IL1RL1: variants seen among roughly 807,000 people sequenced by gnomAD.
IL1RL1 encodes interleukin-1 receptor-like 1.
IL1RL1 carries 32 observed loss-of-function variants against 50.9 expected under a neutral mutation model. That is an observed-to-expected ratio of 0.63 (90% CI 0.47 to 0.84). IL1RL1 has a LOEUF of 0.84. IL1RL1 is among the 40% of genes least tolerant of loss of function. The pLI, the probability that IL1RL1 is intolerant of heterozygous loss-of-function variation, is 0.00. For missense variants in IL1RL1, 773 were observed against 662.9 expected, an observed-to-expected ratio of 1.17 and a Z score of -1.82; for synonymous variants, 275 against 236.0, an observed-to-expected ratio of 1.17 and a Z score of -1.51.
intron 1 of IL1RL1, among the ~76,000 whole-genome samples, chr2:102,317,687 C>G (rs1057500833): frequency 1.3e-5 from 2 of 152,016 alleles, no homozygotes; most frequent in Admixed American, 6.5e-5. Context: ...AGTAAACACA[C>G]ATTTGGAGAG....
chr2:102,316,315 AT>A (rs1573126832), intron 1 of IL1RL1, among the ~76,000 whole-genome samples: 1 of 152,196 alleles, frequency 6.6e-6, no homozygotes, highest in South Asian at 2.1e-4. Context: ...CATAAACCAC[AT>A]TCTGAATTCC....
intron 8 of IL1RL1, 139 bp downstream of exon 8, chr2:102,343,554 T>A: frequency 6.4e-7 from 1 of 1,556,182 alleles, no homozygotes. Context: ...TTCGGGATGT[T>A]GTTTGCTGTC....
Position 102,339,014 on chromosome 2 carries a change from C to T in IL1RL1, c.239C>T (p.Ala80Val), listed in dbSNP as rs34210856. The change falls in exon 3 of 11, where the codon GCT (alanine) becomes GTT (valine). Residue 80 changes from alanine to valine, a missense_variant. Physicochemically the swap from Ala to Val is moderately conservative, Grantham distance 64 (BLOSUM62 0). Transcript: ENST00000233954. Reference sequence around the variant, plus strand: ...CTGAAGTTTCTACCAGCTGCAGTTGCTGATTCTGGTATTTATACCTGTATT... The same window carrying T: ...CTGAAGTTTCTACCAGCTGCAGTTGTTGATTCTGGTATTTATACCTGTATT... ...QLLKFLPAAV[A>V]DSGIYTCIVR... 2.5e-3 allele frequency: 4,101 copies of T among 1,613,668 alleles called. 23 individuals are homozygous for T. The East Asian group carries it at 0.028, about 11-fold the overall frequency.
At chr2:102,345,403 G>T (rs964685601) in intron 8 of IL1RL1, 2 of 985,124 alleles carry the variant, frequency 2.0e-6, no homozygotes, top group Non-Finnish European at 1.2e-6. Context: ...AGGAAAGAGA[G>T]AAATATATTT....
At chr2:102,348,760 C>A (rs1677849532) in intron 9 of IL1RL1, among the ~76,000 whole-genome samples, 1 of 152,088 alleles carries the variant, frequency 6.6e-6, no homozygotes, top group Admixed American at 6.5e-5. Flanking sequence ...AAAGATGAAA[C>A]CAAAGTCTAT....
rs1369118238 is a variant in IL1RL1 at position 102,349,180 on chromosome 2, G to C, written c.1219G>C (p.Asp407His). The C allele has an allele frequency of 5.0e-6, 8 of 1,613,624 alleles. No individual in the cohort carries two copies. The highest frequency in any genetic ancestry group is 6.8e-6 in the Non-Finnish European group (8 of 1,179,728). The change falls in exon 10 of 11, where the codon GAT becomes CAT. Residue 407 changes from aspartate (D) to histidine (H), a missense_variant. Physicochemically the swap from Asp to His is moderately conservative, Grantham distance 81 (BLOSUM62 -1). Transcript: ENST00000233954. ...VEHFVHQILPDVLENKCGYTL... is the reference protein window; with the variant it reads ...VEHFVHQILPHVLENKCGYTL... ...GCACTTTGTTCACCAGATTCTGCCT[G>C]ATGTTCTTGAAAATAAATGTGGCTA...
At chr2:102,341,752 G>A (rs1434247518) in intron 5 of IL1RL1, among the ~76,000 whole-genome samples, 1 of 152,158 alleles carries the variant, frequency 6.6e-6, no homozygotes, top group Non-Finnish European at 1.5e-5. Context: ...CAGCCTTAGT[G>A]GTCACAGGAG....
intron 8 of IL1RL1, chr2:102,345,816 G>A: frequency 2.0e-6 from 2 of 985,440 alleles, no homozygotes; most frequent in Non-Finnish European, 2.4e-6. Flanking sequence ...CCCCATCAAG[G>A]TGCTATGTGA....
At chr2:102,317,475 A>G (rs552345130) in intron 1 of IL1RL1, among the ~76,000 whole-genome samples, 2 of 152,286 alleles carry the variant, frequency 1.3e-5, no homozygotes, top group East Asian at 3.9e-4. Flanking sequence ...CTCCTTTAAT[A>G]CAACAAACCT....
chr2:102,351,846 G>A lies in IL1RL1; in HGVS notation c.1596G>A (p.Arg532=), dbSNP rs1164538757. 6.2e-7 allele frequency: 1 copy of A among 1,613,974 alleles called. No homozygotes were observed. Among genetic ancestry groups the A allele is most frequent in the East Asian group, 2.2e-5 (1 of 44,874 alleles). Residue 532 remains arginine, a synonymous_variant, in exon 11 of 11, where the codon AGG becomes AGA. Transcript: ENST00000233954. Reference sequence around the variant, plus strand: ...ATTCTAAATTCTGGAAGCACGTGAGGTACCAAATGCCTGTGCCAAGCAAAA... The same window carrying A: ...ATTCTAAATTCTGGAAGCACGTGAGATACCAAATGCCTGTGCCAAGCAAAA... ...SLNSKFWKHV[R]YQMPVPSKIP... is the part of the protein sequence containing the mutation.
intron 1 of IL1RL1, among the ~76,000 whole-genome samples, chr2:102,323,243 G>C (rs1676886068): frequency 8.9e-6 from 1 of 112,548 alleles, no homozygotes. Flanking sequence ...CTTTTTGTTA[G>C]GTTTTATATA....
At position 102,340,195 on chromosome 2, in the gene IL1RL1, G is replaced by A; in HGVS notation, c.370G>A (p.Gly124Arg). The A allele has an allele frequency of 6.2e-7, 1 of 1,604,344 alleles. No homozygotes were observed. Among genetic ancestry groups the A allele is most frequent in the South Asian group, 1.1e-5 (1 of 89,172 alleles). ...PDYLMYSTVSGSEKNSKIYCP... is the reference protein window; with the variant it reads ...PDYLMYSTVSRSEKNSKIYCP... ...TTATTTGATGTATTCAACAGTATCTGGATCAGAAAAAAATTCCAAAATTTA... is the reference window on the plus strand; with the variant it reads ...TTATTTGATGTATTCAACAGTATCTAGATCAGAAAAAAATTCCAAAATTTA... The change falls in exon 4 of 11, where the codon GGA becomes AGA. Residue 124 changes from glycine (G) to arginine (R), a missense_variant. Transcript: ENST00000233954.
rs1676473439 is a variant in IL1RL1 at position 102,311,639 on chromosome 2, G to A, written c.-150+16G>A. On this transcript the variant is annotated intron_variant, in intron 1 of 10. Coordinates refer to ENST00000233954, the MANE Select transcript of IL1RL1 (RefSeq NM_016232.5). The stretch of plus-strand genomic sequence containing the variant: ...CCCAATGAGGGTAAGTGGCTTTGGG[G>A]TATTTTTCAAAAATACTTTTATCTC... 1.4e-5 allele frequency: 2 copies of A among 148,050 alleles called. No individual in the cohort carries two copies. The highest frequency in any genetic ancestry group is 2.5e-5 in the African/African-American group (1 of 39,930). The allele number at this position is 148,050 out of a possible 1,614,324, so 9.2% of individuals were successfully genotyped here. A position where few individuals can be genotyped will look rare whatever the true frequency, so the allele number is the denominator to read the frequency against.
At chr2:102,314,145 T>TAGC (rs34646353) in intron 1 of IL1RL1, among the ~76,000 whole-genome samples, 72,079 of 151,462 alleles carry the variant, frequency 0.48, 17,408 homozygotes, top group Middle Eastern at 0.63. Context: ...TGGAATAACA[T>TAGC]AGCAGCAGCA....
At chr2:102,336,665 A>G (rs961087135) in intron 1 of IL1RL1, among the ~76,000 whole-genome samples, 1 of 149,866 alleles carries the variant, frequency 6.7e-6, no homozygotes, top group African/African-American at 2.5e-5. Context: ...CTTTCTCTGC[A>G]CTCTATGCAC....
At chr2:102,347,874 C>T in intron 8 of IL1RL1, 71 bp from the exon 9 acceptor site, 2 of 893,292 alleles carry the variant, frequency 2.2e-6, no homozygotes, top group South Asian at 1.6e-5. Flanking sequence ...CAAGGGAAGC[C>T]AACATCCATG....
At chr2:102,325,011 C>T (rs1360534294) in intron 1 of IL1RL1, among the ~76,000 whole-genome samples, 1 of 152,170 alleles carries the variant, frequency 6.6e-6, no homozygotes, top group Non-Finnish European at 1.5e-5. Context: ...TAGTGGTTCT[C>T]CCAGCACGCA....
At position 102,349,080 on chromosome 2, in the gene IL1RL1, T is replaced by C. The variant is rs1482446243; in HGVS notation, c.1119T>C (p.Asp373=). 1.2e-6 allele frequency: 2 copies of C among 1,612,156 alleles called. No individual in the cohort carries two copies. Among genetic ancestry groups the C allele is most frequent in the East Asian group, 2.2e-5 (1 of 44,874 alleles). The change falls in exon 10 of 11, where the codon GAT becomes GAC. Residue 373 remains aspartate (D), a splice_region_variant and synonymous_variant. Coordinates refer to ENST00000233954, the MANE Select transcript of IL1RL1 (RefSeq NM_016232.5). ...TGTACTTCTTGTTTTCATTTTCAGA[T>C]GGAAAGCTCTATGATGCTTATGTTG... ...DIAKPYKTRN[D]GKLYDAYVVY...
chr2:102,338,727 G>A, intron 2 of IL1RL1, 110 bp from the exon 3 acceptor site: 2 of 775,108 alleles, frequency 2.6e-6, no homozygotes. Context: ...AGGTATCACA[G>A]TATATGACCG....
Sources: gnomAD v4.1 joint callset for allele counts (sites outside exome capture counted in the v4.1 genomes callset) on GRCh38, gnomAD v4.1.1 for gene constraint, MANE v1.5 for transcripts, NCBI Gene and HGNC (gene_info 2026-07-23, HGNC 2026-07-21) for gene names.